CNTN4: variants seen among roughly 807,000 people sequenced by gnomAD.
The protein encoded by CNTN4 is contactin-4.
Under a neutral mutation model 122.5 loss-of-function variants are expected in CNTN4, and 77 were observed. The ratio of observed to expected loss-of-function variants is 0.63; its 90% CI spans 0.52 to 0.76. The LOEUF (loss-of-function observed/expected upper bound fraction) is 0.76. Among genes scored for constraint, CNTN4 ranks in the 30% least tolerant of loss-of-function variants. CNTN4 has a pLI of 0.00. For missense variants in CNTN4, 1,256 were observed against 1,259.1 expected (o/e 1.00, Z 0.04); for synonymous variants, 512 against 447.0 (o/e 1.15, Z -1.83).
intron 6 of CNTN4, among the ~76,000 whole-genome samples, chr3:2,816,260 A>G (rs567416252): frequency 0.011 from 1,482 of 140,118 alleles, 80 homozygotes; most frequent in African/African-American, 0.045. Context: ...AGGCTGAGGC[A>G]GGAGAATGGC....
rs115123654 is a variant in CNTN4, at chr3:2,802,272, A to G, written c.359-17214A>G. ...ATTTGTGGACTTGTGAAGAGCAGCAAAATATTTAAGTCACCCAACACTTAT... is the reference window on the plus strand; with the variant it reads ...ATTTGTGGACTTGTGAAGAGCAGCAGAATATTTAAGTCACCCAACACTTAT... On this transcript the variant is annotated intron_variant, in intron 6 of 24. Coordinates refer to ENST00000418658, the MANE Select transcript of CNTN4 (RefSeq NM_175607.3). 8.6e-3 allele frequency among the ~76,000 whole-genome samples: 1,317 copies of G among 152,294 alleles called. 23 individuals carry two copies. Among genetic ancestry groups the G allele is most frequent in the African/African-American group, 0.031 (1,273 of 41,552 alleles).
At chr3:2,837,850 C>T (rs908642337) in intron 7 of CNTN4, among the ~76,000 whole-genome samples, 1 of 152,186 alleles carries the variant, frequency 6.6e-6, no homozygotes, top group East Asian at 1.9e-4. Flanking sequence ...TAGTTGGTAG[C>T]AGATACCATA....
chr3:2,467,359 C>T (rs1023748848), intron 3 of CNTN4, among the ~76,000 whole-genome samples: 37 of 152,090 alleles, frequency 2.4e-4, no homozygotes, highest in African/African-American at 8.5e-4. Flanking sequence ...TATATTTGCC[C>T]TTGGACAGTT....
At position 3,041,889 on chromosome 3, in the gene CNTN4, G is replaced by A. The variant is rs964274748; in HGVS notation, c.2399-421G>A. On this transcript the variant is annotated intron_variant, in intron 20 of 24. Transcript: ENST00000418658. Reference sequence around the variant, plus strand: ...GCGGGAGGATGGCTTGAGCTCAGGAGGTCAGGCTGCAGTGAGCCATGATTG... The same window carrying A: ...GCGGGAGGATGGCTTGAGCTCAGGAAGTCAGGCTGCAGTGAGCCATGATTG... 8.5e-5 allele frequency among the ~76,000 whole-genome samples: 13 copies of A among 152,342 alleles called. No homozygotes were observed. In the East Asian group the frequency reaches 2.1e-3, roughly 25 times the overall value.
chr3:2,660,746 G>A (rs1317127985), intron 4 of CNTN4, among the ~76,000 whole-genome samples: 2 of 152,194 alleles, frequency 1.3e-5, no homozygotes, highest in East Asian at 1.9e-4. Flanking sequence ...CTCAAAACGG[G>A]AACACACAGG....
intron 4 of CNTN4, among the ~76,000 whole-genome samples, chr3:2,683,932 C>G (rs1201027370): frequency 2.0e-5 from 3 of 152,104 alleles, no homozygotes; most frequent in African/African-American, 7.2e-5. Flanking sequence ...CAAAGCCAGC[C>G]TTTTAAAGAA....
At chr3:2,567,253 A>T (rs2079209459) in intron 3 of CNTN4, among the ~76,000 whole-genome samples, 1 of 151,380 alleles carries the variant, frequency 6.6e-6, no homozygotes, top group Non-Finnish European at 1.5e-5. Flanking sequence ...CACCCAACTA[A>T]TTTTTTCTAT....
At chr3:2,949,521 G>A (rs1182171922) in intron 13 of CNTN4, among the ~76,000 whole-genome samples, 1 of 152,108 alleles carries the variant, frequency 6.6e-6, no homozygotes. Context: ...CAGTGGACCG[G>A]GTTATGGGAA....
intron 4 of CNTN4, among the ~76,000 whole-genome samples, chr3:2,733,854 C>T (rs1041249071): frequency 3.3e-5 from 5 of 151,934 alleles, no homozygotes; most frequent in African/African-American, 1.2e-4. Flanking sequence ...ACTTTTATTC[C>T]ATGATTTTAT....
intron 2 of CNTN4, among the ~76,000 whole-genome samples, chr3:2,256,819 G>T (rs952648981): frequency 6.6e-6 from 1 of 152,176 alleles, no homozygotes; most frequent in Non-Finnish European, 1.5e-5. Flanking sequence ...AGCATTCTAT[G>T]CTCATGGATA....
In CNTN4 at chr3:2,169,722, GAT is replaced by G. The variant is rs1559307033; in HGVS notation, c.-145+69086_-145+69087del. Among the ~76,000 whole-genome samples the G allele has an allele frequency of 4.6e-5, 7 of 152,230 alleles. No individual in the cohort carries two copies. In the South Asian group the frequency reaches 1.0e-3, roughly 23 times the overall value. ...TAGAAACTTTAAAGCTATTATGAAAGATATGAAAAACAGTAGTGAATATAACA... is the reference window on the plus strand; with the variant it reads ...TAGAAACTTTAAAGCTATTATGAAAGATGAAAAACAGTAGTGAATATAACA... On this transcript the variant is annotated intron_variant, in intron 2 of 24. Transcript: ENST00000418658.
intron 2 of CNTN4, among the ~76,000 whole-genome samples, chr3:2,243,320 C>A (rs1344730631): frequency 6.6e-6 from 1 of 152,038 alleles, no homozygotes; most frequent in Admixed American, 6.6e-5. Context: ...CTATATTTTT[C>A]TCTCCCAAAT....
chr3:2,514,549 G>A (rs1037503542), intron 3 of CNTN4, among the ~76,000 whole-genome samples: 1 of 152,000 alleles, frequency 6.6e-6, no homozygotes, highest in African/African-American at 2.4e-5. Context: ...GATTTTAAAT[G>A]TTATCAAGCC....
chr3:2,540,811 A>T (rs971316751), intron 3 of CNTN4, among the ~76,000 whole-genome samples: 2 of 152,120 alleles, frequency 1.3e-5, no homozygotes, highest in Non-Finnish European at 2.9e-5. Context: ...TGCTTACTTA[A>T]CTTTTCTGTT....
intron 4 of CNTN4, among the ~76,000 whole-genome samples, chr3:2,706,331 C>G (rs542013367): frequency 3.9e-5 from 6 of 152,050 alleles, no homozygotes; most frequent in Non-Finnish European, 8.8e-5. Flanking sequence ...ATTGTCATTT[C>G]TGAGAAAATA....
At chr3:2,926,116 T>C (rs1377984012) in intron 13 of CNTN4, among the ~76,000 whole-genome samples, 1 of 152,210 alleles carries the variant, frequency 6.6e-6, no homozygotes, top group Non-Finnish European at 1.5e-5. Context: ...CTAAGTCCTT[T>C]GGTATATGTA....
intron 2 of CNTN4, among the ~76,000 whole-genome samples, chr3:2,107,486 G>T (rs139094400): frequency 8.5e-5 from 13 of 152,190 alleles, no homozygotes; most frequent in African/African-American, 2.9e-4. Context: ...ATCAGATCTC[G>T]TGAGAATCAT....
At chr3:2,630,866 T>A (rs894264979) in intron 4 of CNTN4, among the ~76,000 whole-genome samples, 1 of 152,196 alleles carries the variant, frequency 6.6e-6, no homozygotes, top group Non-Finnish European at 1.5e-5. Flanking sequence ...TTTACCTGGG[T>A]GAAGACAGGC....
intron 7 of CNTN4, among the ~76,000 whole-genome samples, chr3:2,820,115 C>T (rs1355833090): frequency 6.6e-6 from 1 of 152,078 alleles, no homozygotes; most frequent in South Asian, 2.1e-4. Context: ...AGTGTCAGAA[C>T]TCATAGGATA....
Sources: allele counts gnomAD v4.1 joint callset (sites outside exome capture counted in the v4.1 genomes callset), GRCh38; gene constraint gnomAD v4.1.1; transcripts MANE v1.5; gene names NCBI Gene and HGNC (gene_info 2026-07-23, HGNC 2026-07-21).